Variants in CEP192 observed in about 807,000 individuals in gnomAD.
CEP192 encodes centrosomal protein 192, also known as centrosomal protein of 192 kDa.
A neutral mutation model predicts 271.8 loss-of-function variants in CEP192; 151 were observed. That is an observed-to-expected ratio of 0.56 (90% CI 0.49 to 0.64). The LOEUF (loss-of-function observed/expected upper bound fraction) is 0.64. CEP192 is among the 30% of genes least tolerant of loss of function. The probability of loss-of-function intolerance (pLI) is 0.00; values close to 1 mark genes in which losing one functional copy is unlikely to be tolerated. For synonymous variants in CEP192, 995 were observed against 1,076.5 expected (o/e 0.92, Z 1.48); for missense variants, 2,910 against 3,020.5 (o/e 0.96, Z 0.86).
intron 17 of CEP192, among the ~76,000 whole-genome samples, chr18:13,051,365 T>TTG (rs34111719): frequency 0.035 from 5,306 of 151,000 alleles, 270 homozygotes; most frequent in African/African-American, 0.12. Context: ...GTGTATGTGT[T>TTG]TGTGTGTGTG....
rs570692068 is a variant in CEP192, at chr18:13,029,776, C to G, written c.1164C>G (p.Asp388Glu). 6.4e-7 allele frequency: 1 copy of G among 1,551,610 alleles called. No individual in the cohort carries two copies. Among genetic ancestry groups the G allele is most frequent in the Admixed American group, 2.0e-5 (1 of 51,006 alleles). The change falls in exon 10 of 45, where the codon GAC becomes GAG. Residue 388 changes from aspartate to glutamate, a missense_variant. Transcript: ENST00000506447. ...NANRGGFDLTDPVKQGAECPH... is the reference protein window; with the variant it reads ...NANRGGFDLTEPVKQGAECPH... ...ATAGAGGTGGTTTTGATCTGACTGA[C>G]CCTGTAAAACAGGGGGCAGAGTGTC...
chr18:13,100,468 A>G lies in CEP192; in HGVS notation c.6827A>G (p.Asn2276Ser), dbSNP rs938054918. ...KPPSTKVEIR[N>S]KSITFPTTEP... ...CCTTCCACAAAAGTTGAAATAAGAA[A>G]CAAGAGTATTACTTTTCCTACAACA... Residue 2276 changes from asparagine (N) to serine (S), a missense_variant, in exon 38 of 45, where the codon AAC (asparagine) becomes AGC (serine). Asn to Ser is a conservative substitution (Grantham distance 46). Coordinates refer to ENST00000506447, the MANE Select transcript of CEP192 (RefSeq NM_032142.4). 2 of 1,614,086 alleles carry G rather than the reference A, an allele frequency of 1.2e-6. No homozygotes were observed. The highest frequency in any genetic ancestry group is 3.3e-4 in the Middle Eastern group (2 of 6,062).
In CEP192 at chr18:13,053,060, A is replaced by G; in HGVS notation, c.3159A>G (p.Thr1053=). ...AACCAGAGAGCTCCTATCCTACCAC[A>G]GCCACAGATGATGCCCTGGAGGACC... The part of the protein sequence containing the change: ...VSEPESSYPT[T]ATDDALEDRK... The change falls in exon 18 of 45, where the codon ACA becomes ACG. Residue 1053 remains threonine (T), a synonymous_variant. Coordinates refer to ENST00000506447, the MANE Select transcript of CEP192 (RefSeq NM_032142.4). 6.2e-7 allele frequency: 1 copy of G among 1,612,540 alleles called. No homozygotes were observed. The highest frequency in any genetic ancestry group is 2.2e-5 in the East Asian group (1 of 44,876).
intron 4 of CEP192, 147 bp from the exon 5 acceptor site, chr18:13,012,826 T>G: frequency 4.3e-6 from 2 of 460,092 alleles, no homozygotes; most frequent in Non-Finnish European, 7.8e-6. Context: ...AACATGTAAC[T>G]GACCTATGAT....
rs779313579 is a variant in CEP192, at chr18:13,052,977, G to A, written c.3076G>A (p.Glu1026Lys). ...AQQQQPPCEQ[E>K]LSPLVCSPAG... is the part of the protein sequence containing the mutation. ...GCAGCAGCAGCCTCCCTGTGAGCAG[G>A]AGTTGTCTCCCTTGGTGTGCTCGCC... Residue 1026 changes from glutamate (E) to lysine (K), a missense_variant, in exon 18 of 45, where the codon GAG becomes AAG. Glu to Lys is a moderately conservative substitution (Grantham distance 56). Coordinates refer to ENST00000506447, the MANE Select transcript of CEP192 (RefSeq NM_032142.4). 8.7e-6 allele frequency: 14 copies of A among 1,613,762 alleles called. No homozygotes were observed. The highest frequency in any genetic ancestry group is 1.2e-5 in the Non-Finnish European group (14 of 1,179,758).
chr18:13,083,191 C>T (rs952891516), intron 30 of CEP192, among the ~76,000 whole-genome samples: 19 of 152,154 alleles, frequency 1.2e-4, no homozygotes, highest in Admixed American at 1.0e-3. Flanking sequence ...GGGAAGTTCT[C>T]CTGGATAATA....
chr18:13,049,898 G>A lies in CEP192; in HGVS notation c.3017+7G>A. The A allele has an allele frequency of 6.2e-7, 1 of 1,601,954 alleles. No homozygotes were observed. On this transcript the variant is annotated splice_region_variant and intron_variant, in intron 17 of 44. Coordinates refer to ENST00000506447, the MANE Select transcript of CEP192 (RefSeq NM_032142.4). ...CTGGAACGAGTTCATCAGGGTAAGTGTGTACCTTCTTTTTTAAAAAATAAA... is the reference window on the plus strand; with the variant it reads ...CTGGAACGAGTTCATCAGGGTAAGTATGTACCTTCTTTTTTAAAAAATAAA...
intron 13 of CEP192, among the ~76,000 whole-genome samples, chr18:13,040,301 A>T (rs1232250067): frequency 6.6e-6 from 1 of 152,224 alleles, no homozygotes; most frequent in African/African-American, 2.4e-5. Flanking sequence ...CCAATAAAAA[A>T]TTGAGTGTAT....
intron 14 of CEP192, among the ~76,000 whole-genome samples, chr18:13,041,650 C>A (rs1284941781): frequency 6.6e-6 from 1 of 151,164 alleles, no homozygotes; most frequent in Non-Finnish European, 1.5e-5. Flanking sequence ...ACTGCAATCT[C>A]CACCTCCTGG....
At chr18:13,001,717 T>A in intron 3 of CEP192, 135 bp downstream of exon 3, 2 of 979,668 alleles carry the variant, frequency 2.0e-6, no homozygotes, top group Non-Finnish European at 2.8e-6. Context: ...TCTTTTATTT[T>A]GAGGCGGAGT....
intron 21 of CEP192, among the ~76,000 whole-genome samples, chr18:13,061,158 A>G (rs2037387781): frequency 6.6e-6 from 1 of 152,178 alleles, no homozygotes; most frequent in Non-Finnish European, 1.5e-5. Flanking sequence ...CCCTGTCTCT[A>G]GTAAAAATAT....
At chr18:13,024,177 G>A in intron 9 of CEP192, 1 of 340,500 alleles carries the variant, frequency 2.9e-6, no homozygotes, top group Admixed American at 3.8e-5. Context: ...GTCTTGTAAG[G>A]TGTATACACG....
intron 41 of CEP192, 82 bp downstream of exon 41, chr18:13,113,787 A>G: frequency 7.9e-7 from 1 of 1,268,840 alleles, no homozygotes; most frequent in Middle Eastern, 2.5e-4. Flanking sequence ...AGTTGGCCTG[A>G]AAATGCAGAA....
In CEP192 at chr18:13,049,867, A is replaced by G; in HGVS notation, c.2993A>G (p.Glu998Gly). 6 of 1,613,990 alleles carry G rather than the reference A, an allele frequency of 3.7e-6. No individual in the cohort carries two copies. The highest frequency in any genetic ancestry group is 5.1e-6 in the Non-Finnish European group (6 of 1,179,940). Residue 998 changes from glutamate (E) to glycine (G), a missense_variant, in exon 17 of 45, where the codon GAA becomes GGA. Glu to Gly is a moderately conservative substitution (Grantham distance 98). Coordinates refer to ENST00000506447, the MANE Select transcript of CEP192 (RefSeq NM_032142.4). ...CCACTGAGTCATTCTTCTCCTAGTG[A>G]AATTTCTGGAACGAGTTCATCAGGG... ...TSPLSHSSPS[E>G]ISGTSSSGCA...
chr18:13,027,040 G>A (rs193139602), intron 9 of CEP192, among the ~76,000 whole-genome samples: 13 of 152,220 alleles, frequency 8.5e-5, no homozygotes, highest in Non-Finnish European at 1.6e-4. Context: ...GGGAGGGAAA[G>A]CATTCCATAA....
chr18:13,081,475 G>T (rs1396406987), intron 30 of CEP192, among the ~76,000 whole-genome samples: 1 of 152,120 alleles, frequency 6.6e-6, no homozygotes, highest in African/African-American at 2.4e-5. Context: ...TGGGATCGGT[G>T]GTGATATCCC....
In CEP192 at chr18:13,048,925, A is replaced by G. The variant is rs770084989; in HGVS notation, c.2134A>G (p.Met712Val). 10 of 1,614,030 alleles carry G rather than the reference A, an allele frequency of 6.2e-6. No individual in the cohort carries two copies. The highest frequency in any genetic ancestry group is 1.6e-4 in the Middle Eastern group (1 of 6,062). ...CAAGCTACCAGATAGTGGTGATTCTATGCTTAGGATCAGCACCATTGCTTC... is the reference window on the plus strand; with the variant it reads ...CAAGCTACCAGATAGTGGTGATTCTGTGCTTAGGATCAGCACCATTGCTTC... ...KDKLPDSGDS[M>V]LRISTIASAI... The change falls in exon 16 of 45, where the codon ATG (methionine) becomes GTG (valine). Residue 712 changes from methionine (M) to valine (V), a missense_variant. Transcript: ENST00000506447.
intron 1 of CEP192, among the ~76,000 whole-genome samples, chr18:12,992,948 C>A (rs1191975378): frequency 6.6e-6 from 1 of 152,156 alleles, no homozygotes; most frequent in Admixed American, 6.5e-5. Flanking sequence ...TAAATAGGGA[C>A]AACTGTTGAA....
At chr18:13,008,685 C>A in intron 4 of CEP192, 54 bp downstream of exon 4, 123 of 1,227,630 alleles carry the variant, frequency 1.0e-4, no homozygotes, top group Non-Finnish European at 1.2e-4. Flanking sequence ...TTTCCTTTTT[C>A]ATTTCCTTAT....
Sources: gnomAD v4.1 joint callset for allele counts (sites outside exome capture counted in the v4.1 genomes callset) on GRCh38, gnomAD v4.1.1 for gene constraint, MANE v1.5 for transcripts, NCBI Gene and HGNC (gene_info 2026-07-23, HGNC 2026-07-21) for gene names.